PCDH15: variants seen among roughly 807,000 people sequenced by gnomAD.
PCDH15 encodes protocadherin related 15.
A neutral mutation model predicts 178.5 loss-of-function variants in PCDH15; 129 were observed. The observed-to-expected ratio is 0.72, with a 90% confidence interval of 0.63 to 0.84. The LOEUF is 0.84. Among genes scored for constraint, PCDH15 ranks in the 40% least tolerant of loss-of-function variants. The probability of loss-of-function intolerance (pLI) is 0.00; values close to 1 mark genes in which losing one functional copy is unlikely to be tolerated. For synonymous variants in PCDH15, 800 were observed against 732.0 expected (o/e 1.09, Z -1.50); for missense variants, 2,230 against 2,099.9 (o/e 1.06, Z -1.21).
chr10:55,022,785 A>C (rs866811819), intron 2 of PCDH15, among the ~76,000 whole-genome samples: 2 of 146,034 alleles, frequency 1.4e-5, no homozygotes, highest in Non-Finnish European at 3.0e-5. Flanking sequence ...ATCTCGGCTC[A>C]CTGCAAGCTC....
intron 13 of PCDH15, among the ~76,000 whole-genome samples, chr10:54,164,733 A>C (rs2133494766): frequency 6.6e-6 from 1 of 152,304 alleles, no homozygotes; most frequent in South Asian, 2.1e-4. Flanking sequence ...GTGTAACAAA[A>C]ATTTTAAGAA....
chr10:54,591,226 A>G (rs996253931), intron 2 of PCDH15, among the ~76,000 whole-genome samples: 1 of 152,138 alleles, frequency 6.6e-6, no homozygotes, highest in African/African-American at 2.4e-5. Context: ...GACTTTGTAG[A>G]TGTGTTTAAA....
Position 53,995,696 on chromosome 10 carries a change from T to C in PCDH15, c.2821A>G (p.Lys941Glu), listed in dbSNP as rs2091802447. Residue 941 changes from lysine (K) to glutamate (E), a missense_variant, in exon 21 of 38, where the codon AAG (lysine) becomes GAG (glutamate). Coordinates refer to ENST00000644397, the MANE Select transcript of PCDH15 (RefSeq NM_001384140.1). ...YKGMVAPDAV[K>E]GTPITTVYAE... Reference sequence around the variant, plus strand: ...TAAACTGTTGTGATAGGTGTACCCTTGACTGCATCCGGAGCCACCATCCCT... The same window carrying C: ...TAAACTGTTGTGATAGGTGTACCCTCGACTGCATCCGGAGCCACCATCCCT... 1.2e-6 allele frequency: 2 copies of C among 1,613,834 alleles called. No homozygotes were observed. Among genetic ancestry groups the C allele is most frequent in the East Asian group, 2.2e-5 (1 of 44,876 alleles).
At chr10:55,421,763 G>T (rs1838627147) in intron 2 of PCDH15, among the ~76,000 whole-genome samples, 1 of 151,410 alleles carries the variant, frequency 6.6e-6, no homozygotes. Context: ...TGGTTCTTTT[G>T]TTGTGAATCA....
chr10:54,862,210 T>C (rs1303293067), intron 3 of PCDH15, among the ~76,000 whole-genome samples: 2 of 152,150 alleles, frequency 1.3e-5, no homozygotes, highest in Admixed American at 6.6e-5. Flanking sequence ...ACAAATTCAG[T>C]AAAAATGCAA....
intron 10 of PCDH15, among the ~76,000 whole-genome samples, chr10:54,207,374 GTGTATGTGTGTGT>G (rs2050918115): frequency 2.0e-4 from 2 of 10,226 alleles, no homozygotes; most frequent in East Asian, 0.067. Context: ...TTGTGTGTGT[GTGTATGTGTGTGT>G]GTGTGTGTGT....
chr10:53,976,218 C>T (rs967933715), intron 21 of PCDH15, among the ~76,000 whole-genome samples: 1 of 152,004 alleles, frequency 6.6e-6, no homozygotes, highest in Non-Finnish European at 1.5e-5. Flanking sequence ...ATGCTTCCAC[C>T]TTTATTCTTT....
intron 2 of PCDH15, among the ~76,000 whole-genome samples, chr10:54,537,038 G>A (rs1488570087): frequency 8.7e-6 from 1 of 115,436 alleles, no homozygotes; most frequent in Non-Finnish European, 1.6e-5. Context: ...TCTCTCTCTC[G>A]CCCAGGCTGG....
rs925324864 is a variant in PCDH15 at position 54,685,035 on chromosome 10, ATTAAT to A, written c.-28-20750_-28-20746del. On this transcript the variant is annotated intron_variant, in intron 1 of 37. Transcript: ENST00000644397. ...ATAACCTTTTTCTATTTTAAAAATT[ATTAAT>A]TTAATTTTTACTTTTAAAGCATTTT... 1.3e-4 allele frequency among the ~76,000 whole-genome samples: 19 copies of A among 151,822 alleles called. 1 individual carries two copies. The highest frequency in any genetic ancestry group is 3.6e-4 in the African/African-American group (15 of 41,380).
intron 2 of PCDH15, chr10:55,512,777 C>T (rs1840915270): frequency 6.6e-6 from 1 of 152,112 alleles, no homozygotes; most frequent in Non-Finnish European, 1.5e-5. Flanking sequence ...TTATCATTCT[C>T]AGTCACTTGC....
rs763199292 is a variant in PCDH15, at chr10:53,866,689, C to A, written c.3670G>T (p.Ala1224Ser). The A allele has an allele frequency of 2.5e-6, 4 of 1,613,578 alleles. No homozygotes were observed. The highest frequency in any genetic ancestry group is 3.4e-6 in the Non-Finnish European group (4 of 1,179,700). The change falls in exon 27 of 38, where the codon GCA becomes TCA. Residue 1224 changes from alanine (A) to serine (S), a missense_variant. Ala to Ser is a moderately conservative substitution (Grantham distance 99). Coordinates refer to ENST00000644397, the MANE Select transcript of PCDH15 (RefSeq NM_001384140.1). ...AGTCCCTTCCCATAGTCGTCAGTTG[C>A]AATAACTTGAAACTTGAAGTAGGAT... The part of the protein sequence containing the change: ...RRSYFKFQVI[A>S]TDDYGKGLSG...
chr10:54,792,723 GA>G (rs1951538971), intron 1 of PCDH15, among the ~76,000 whole-genome samples: 1 of 151,724 alleles, frequency 6.6e-6, no homozygotes, highest in East Asian at 2.0e-4. Context: ...CATTCTCTGT[GA>G]TTACTTGGGA....
intron 3 of PCDH15, among the ~76,000 whole-genome samples, chr10:54,475,352 C>T (rs540841071): frequency 6.6e-6 from 1 of 152,042 alleles, no homozygotes; most frequent in South Asian, 2.1e-4. Context: ...TACCTTCTAA[C>T]TAAATCATTG....
At chr10:54,840,000 C>A (rs1308720541) in intron 3 of PCDH15, among the ~76,000 whole-genome samples, 1 of 151,978 alleles carries the variant, frequency 6.6e-6, no homozygotes, top group Non-Finnish European at 1.5e-5. Flanking sequence ...CACATGAACA[C>A]ACACACAATT....
intron 1 of PCDH15, among the ~76,000 whole-genome samples, chr10:54,776,924 A>C (rs1224062208): frequency 6.6e-6 from 1 of 152,164 alleles, no homozygotes; most frequent in Non-Finnish European, 1.5e-5. Context: ...TATACAAAGA[A>C]AGAACTAGGG....
chr10:55,167,329 T>C (rs1051210538), intron 1 of PCDH15, among the ~76,000 whole-genome samples: 1 of 152,098 alleles, frequency 6.6e-6, no homozygotes, highest in Non-Finnish European at 1.5e-5. Context: ...TTGCCCAGGC[T>C]TGTCTCAAAC....
intron 1 of PCDH15, among the ~76,000 whole-genome samples, chr10:55,262,201 A>G (rs997088709): frequency 6.7e-6 from 1 of 149,172 alleles, no homozygotes; most frequent in Admixed American, 6.7e-5. Context: ...GAGAAAGAAA[A>G]AAGGAAGGAA....
chr10:55,335,468 A>T (rs1031141442), intron 2 of PCDH15, among the ~76,000 whole-genome samples: 1 of 152,240 alleles, frequency 6.6e-6, no homozygotes, highest in African/African-American at 2.4e-5. Flanking sequence ...TGTGATATTT[A>T]AAAATCTTTG....
chr10:54,809,767 G>C (rs1273544689), intron 3 of PCDH15, among the ~76,000 whole-genome samples: 1 of 152,050 alleles, frequency 6.6e-6, no homozygotes, highest in Non-Finnish European at 1.5e-5. Flanking sequence ...CTGGATCATT[G>C]AAAGAGACAA....
Sources: gnomAD v4.1 joint callset for allele counts (sites outside exome capture counted in the v4.1 genomes callset) on GRCh38, gnomAD v4.1.1 for gene constraint, MANE v1.5 for transcripts, NCBI Gene and HGNC (gene_info 2026-07-23, HGNC 2026-07-21) for gene names.